ATXN1: variants seen among roughly 807,000 people sequenced by gnomAD.
ATXN1 encodes ataxin 1.
A neutral mutation model predicts 56.4 loss-of-function variants in ATXN1; 8 were observed. That is an observed-to-expected ratio of 0.14 (90% CI 0.08 to 0.26). The LOEUF (loss-of-function observed/expected upper bound fraction) is 0.26, where lower values mean the gene tolerates loss of function less well. ATXN1 is among the 10% of genes least tolerant of loss of function. The probability of loss-of-function intolerance (pLI) is 1.00; values close to 1 mark genes in which losing one functional copy is unlikely to be tolerated. For missense variants in ATXN1, 987 were observed against 1,106.5 expected (o/e 0.89, Z 1.53); for synonymous variants, 514 against 494.6 (o/e 1.04, Z -0.52).
At chr6:16,713,217 T>C (rs1050038383) in intron 2 of ATXN1, among the ~76,000 whole-genome samples, 2 of 152,190 alleles carry the variant, frequency 1.3e-5, no homozygotes, top group Non-Finnish European at 2.9e-5. Context: ...TATCTGAATC[T>C]AGAGGGACCG....
intron 4 of ATXN1, among the ~76,000 whole-genome samples, chr6:16,527,544 T>C (rs1761418371): frequency 1.3e-5 from 2 of 152,152 alleles, no homozygotes; most frequent in Admixed American, 1.3e-4. Flanking sequence ...CCAAGGTCCA[T>C]AACCAATGGC....
At chr6:16,475,995 G>A (rs916505986) in intron 6 of ATXN1, among the ~76,000 whole-genome samples, 1 of 151,446 alleles carries the variant, frequency 6.6e-6, no homozygotes, top group South Asian at 2.1e-4. Context: ...TCAGCCTCCC[G>A]AGTAGCTGGG....
chr6:16,398,626 AGTTT>A (rs1196932055), intron 6 of ATXN1, among the ~76,000 whole-genome samples: 2 of 152,158 alleles, frequency 1.3e-5, no homozygotes, highest in Non-Finnish European at 2.9e-5. Context: ...GTGTGTGTCT[AGTTT>A]GTTTTTCGCC....
chr6:16,523,455 C>T (rs1336463541), intron 4 of ATXN1, among the ~76,000 whole-genome samples: 1 of 152,220 alleles, frequency 6.6e-6, no homozygotes, highest in African/African-American at 2.4e-5. Flanking sequence ...GACTCAAACT[C>T]CTGCCTTAGC....
At chr6:16,597,839 G>A (rs971548489) in intron 3 of ATXN1, among the ~76,000 whole-genome samples, 2 of 152,156 alleles carry the variant, frequency 1.3e-5, no homozygotes, top group African/African-American at 4.8e-5. Context: ...TTTATTAGGA[G>A]ACCAGGAGTG....
chr6:16,556,436 C>T (rs748067255), intron 4 of ATXN1, among the ~76,000 whole-genome samples: 18 of 152,198 alleles, frequency 1.2e-4, no homozygotes, highest in Non-Finnish European at 2.6e-4. Context: ...AATACAATTG[C>T]TGCCTTCTTC....
intron 6 of ATXN1, among the ~76,000 whole-genome samples, chr6:16,340,449 G>A (rs951124903): frequency 3.3e-5 from 5 of 152,184 alleles, no homozygotes; most frequent in African/African-American, 1.2e-4. Flanking sequence ...TTCATGGGCA[G>A]AGGGCAACAG....
At chr6:16,393,503 G>A (rs1180785241) in intron 6 of ATXN1, among the ~76,000 whole-genome samples, 1 of 152,104 alleles carries the variant, frequency 6.6e-6, no homozygotes, top group Non-Finnish European at 1.5e-5. Context: ...CCAAAGTGTT[G>A]GAATTGTAGG....
At chr6:16,657,267 G>A (rs553082174) in intron 3 of ATXN1, among the ~76,000 whole-genome samples, 2 of 152,236 alleles carry the variant, frequency 1.3e-5, no homozygotes, top group South Asian at 2.1e-4. Context: ...GATTACAGGC[G>A]TGAGCCACCA....
At chr6:16,516,609 G>A (rs1375630731) in intron 5 of ATXN1, among the ~76,000 whole-genome samples, 2 of 152,204 alleles carry the variant, frequency 1.3e-5, no homozygotes, top group Non-Finnish European at 2.9e-5. Context: ...CTGTATGAAT[G>A]AGAAATAAAC....
At position 16,686,206 on chromosome 6, in the gene ATXN1, T is replaced by A. The variant is rs115980786; in HGVS notation, c.-614-28305A>T. On this transcript the variant is annotated intron_variant, in intron 2 of 7. Transcript: ENST00000436367. ...ACCTTGTTACACAGATTATTTATAG[T>A]CATCCCAAAACATACATAACACAGA... is the stretch of plus-strand genomic sequence containing the variant. 9.2e-3 allele frequency among the ~76,000 whole-genome samples: 1,402 copies of A among 152,318 alleles called. 13 individuals are homozygous for A. Among genetic ancestry groups the A allele is most frequent in the Non-Finnish European group, 0.017 (1,134 of 68,022 alleles).
intron 6 of ATXN1, among the ~76,000 whole-genome samples, chr6:16,456,218 T>C (rs1259363346): frequency 6.6e-6 from 1 of 152,150 alleles, no homozygotes; most frequent in African/African-American, 2.4e-5. Flanking sequence ...AGCGAGACCA[T>C]GAATCCACCG....
chr6:16,510,104 T>C (rs1185577414), intron 5 of ATXN1, among the ~76,000 whole-genome samples: 1 of 152,236 alleles, frequency 6.6e-6, no homozygotes, highest in African/African-American at 2.4e-5. Context: ...GTTTATCACC[T>C]TCTGTCTTAT....
intron 6 of ATXN1, among the ~76,000 whole-genome samples, chr6:16,455,975 A>G (rs1403159362): frequency 6.6e-6 from 1 of 152,236 alleles, no homozygotes; most frequent in Admixed American, 6.5e-5. Flanking sequence ...GAGGATTGAA[A>G]AAAATGGCAC....
At chr6:16,521,798 G>A (rs1325838977) in intron 5 of ATXN1, among the ~76,000 whole-genome samples, 1 of 152,224 alleles carries the variant, frequency 6.6e-6, no homozygotes, top group Non-Finnish European at 1.5e-5. Context: ...CATTGCAGAT[G>A]CAGTGGTTTG....
At chr6:16,359,020 C>T (rs1294226774) in intron 6 of ATXN1, among the ~76,000 whole-genome samples, 1 of 152,254 alleles carries the variant, frequency 6.6e-6, no homozygotes, top group East Asian at 1.9e-4. Context: ...CTGCAGCCTG[C>T]ACCCTTGGGC....
intron 4 of ATXN1, among the ~76,000 whole-genome samples, chr6:16,576,609 C>T (rs1274601092): frequency 6.6e-6 from 1 of 152,198 alleles, no homozygotes; most frequent in African/African-American, 2.4e-5. Context: ...ATAGTAAATA[C>T]TGCCGAAAGG....
chr6:16,718,359 T>G (rs535554604), intron 2 of ATXN1, among the ~76,000 whole-genome samples: 2 of 152,350 alleles, frequency 1.3e-5, no homozygotes, highest in Admixed American at 6.5e-5. Flanking sequence ...CAAGGCCAAA[T>G]GCCCCCAAAC....
chr6:16,451,451 C>T (rs375988160), intron 6 of ATXN1, among the ~76,000 whole-genome samples: 13 of 151,688 alleles, frequency 8.6e-5, no homozygotes, highest in African/African-American at 2.7e-4. Flanking sequence ...GGCGACAGAG[C>T]GAGACTCCGT....
Sources: gnomAD v4.1 joint callset for allele counts (sites outside exome capture counted in the v4.1 genomes callset) on GRCh38, gnomAD v4.1.1 for gene constraint, MANE v1.5 for transcripts, NCBI Gene and HGNC (gene_info 2026-07-23, HGNC 2026-07-21) for gene names.